The following MSL1 variants were observed in gnomAD, a reference collection of about 807,000 sequenced individuals.
MSL1 encodes the protein male-specific lethal 1 homolog.
In MSL1, 21 loss-of-function variants were observed where a neutral mutation model predicts 64.6. The ratio of observed to expected loss-of-function variants is 0.33; its 90% CI spans 0.23 to 0.47. The LOEUF is 0.47. MSL1 is among the 20% of genes least tolerant of loss of function. The probability of loss-of-function intolerance (pLI) is 1.00; values close to 1 mark genes in which losing one functional copy is unlikely to be tolerated. For missense variants in MSL1, 664 were observed against 793.2 expected (o/e 0.84, Z 1.96); for synonymous variants, 339 against 329.6 (o/e 1.03, Z -0.31).
chr17:40,126,072 TGTG>T, intron 1 of MSL1, 108 bp from the exon 2 acceptor site: 1 of 871,138 alleles, frequency 1.1e-6, no homozygotes, highest in Non-Finnish European at 1.8e-6. Flanking sequence ...GTTGAGTTGA[TGTG>T]GTCCATAGAA....
Position 40,122,127 on chromosome 17 carries a change from T to G in MSL1, c.-486T>G. Among the ~76,000 whole-genome samples, 1 of 146,970 alleles carries G rather than the reference T, an allele frequency of 6.8e-6. No individual in the cohort carries two copies. On this transcript the variant is annotated 5_prime_UTR_variant, in exon 1 of 9. Coordinates refer to ENST00000398532, the MANE Select transcript of MSL1 (RefSeq NM_001365919.1). The surrounding 1 kb of genome is among the most constrained non-coding windows in gnomAD (Gnocchi z 4.2). The stretch of plus-strand genomic sequence containing the variant: ...AGGCGACAGACCCCCTCTCCCGGAG[T>G]AGGAGGGCTTTGGGCGGACCCAGCC...
chr17:40,126,212 G>A lies in MSL1; in HGVS notation c.798G>A (p.Arg266=). ...TLLARIERME[R]RMQLVKKDNE... ...TTGCTCGGATTGAACGTATGGAAAG[G>A]CGGATGCAGCTGGTAAAGAAGGATA... The change falls in exon 2 of 9, where the codon AGG becomes AGA. Residue 266 remains arginine (R), a synonymous_variant. Transcript: ENST00000398532. 1.2e-6 allele frequency: 2 copies of A among 1,613,994 alleles called. No individual in the cohort carries two copies. Among genetic ancestry groups the A allele is most frequent in the Non-Finnish European group, 1.7e-6 (2 of 1,179,892 alleles).
Position 40,126,235 on chromosome 17 carries a change from A to G in MSL1, c.821A>G (p.Asp274Gly). Residue 274 changes from aspartate to glycine, a missense_variant, in exon 2 of 9, where the codon GAT (aspartate) becomes GGT (glycine). This residue lies in a region of MSL1 where 466 missense variants were observed against 499.0 expected (regional missense o/e 0.93). Coordinates refer to ENST00000398532, the MANE Select transcript of MSL1 (RefSeq NM_001365919.1). ...AGGCGGATGCAGCTGGTAAAGAAGGATAACGAGAAAGAAAGGCACAAGCTG... is the reference window on the plus strand; with the variant it reads ...AGGCGGATGCAGCTGGTAAAGAAGGGTAACGAGAAAGAAAGGCACAAGCTG... ...MERRMQLVKK[D>G]NEKERHKLFQ... The G allele has an allele frequency of 6.2e-7, 1 of 1,614,050 alleles. No homozygotes were observed. The highest frequency in any genetic ancestry group is 8.5e-7 in the Non-Finnish European group (1 of 1,179,902).
chr17:40,128,889 C>G (rs563782578), intron 2 of MSL1, among the ~76,000 whole-genome samples: 1 of 152,046 alleles, frequency 6.6e-6, no homozygotes, highest in Non-Finnish European at 1.5e-5. Context: ...TGGTGTATGC[C>G]TGTAATCCCA....
At chr17:40,125,868 G>A (rs1407034352) in intron 1 of MSL1, among the ~76,000 whole-genome samples, 2 of 152,246 alleles carry the variant, frequency 1.3e-5, no homozygotes, top group African/African-American at 4.8e-5. Context: ...ACAGGTAGCA[G>A]TAGCAGAGAC....
rs969995864 is a variant in MSL1 at position 40,133,714 on chromosome 17, G to C, written c.1681+56G>C. On this transcript the variant is annotated intron_variant, in intron 7 of 8. Transcript: ENST00000398532. ...TTTGAAAGAAGGAGGAGGGTGCAAG[G>C]CTCCAGGGTACAACTTGCTCTGAAT... 1.1e-5 allele frequency: 18 copies of C among 1,611,406 alleles called. No individual in the cohort carries two copies. The Admixed American group carries it at 2.2e-4, about 19-fold the overall frequency.
At chr17:40,129,786 T>C (rs1988403904) in intron 3 of MSL1, 159 bp downstream of exon 3, 2 of 736,022 alleles carry the variant, frequency 2.7e-6, no homozygotes, top group Non-Finnish European at 4.1e-6. Context: ...TGTGCAGGCA[T>C]TGCAAATAGA....
chr17:40,131,359 C>A lies in MSL1; in HGVS notation c.1376-178C>A. 1 of 513,318 alleles carries A rather than the reference C, an allele frequency of 1.9e-6. No homozygotes were observed. The highest frequency in any genetic ancestry group is 3.5e-6 in the Non-Finnish European group (1 of 285,466). 31.8% of individuals were successfully genotyped at this position (513,318 alleles called of 1,614,324 possible). A position where few individuals can be genotyped will look rare whatever the true frequency, so the allele number is the denominator to read the frequency against. ...AAAAAAAAAGTGGTGGGCTTATTTT[C>A]TTTTCTTTTGTCTGTTGTTCCCTCT... On this transcript the variant is annotated intron_variant, in intron 3 of 8. Transcript: ENST00000398532. This position sits in a 1 kb window ranked among gnomAD's most constrained non-coding sequence, Gnocchi z 4.5.
Position 40,131,574 on chromosome 17 carries a change from A to G in MSL1, c.1413A>G (p.Ser471=). 6.2e-7 allele frequency: 1 copy of G among 1,613,620 alleles called. No homozygotes were observed. Among genetic ancestry groups the G allele is most frequent in the Non-Finnish European group, 8.5e-7 (1 of 1,179,714 alleles). The change falls in exon 4 of 9, where the codon TCA becomes TCG. Residue 471 remains serine, a synonymous_variant. Coordinates refer to ENST00000398532, the MANE Select transcript of MSL1 (RefSeq NM_001365919.1). This position sits in a 1 kb window ranked among gnomAD's most constrained non-coding sequence, Gnocchi z 4.5. ...CATCAAGTGTTGCAGGAGAAACTTC[A>G]GTCTTGGCTGGTGAGTAGAATAGGA... The part of the protein sequence containing the change: ...LMPSSVAGET[S]VLAVPSWRDH...
At position 40,131,806 on chromosome 17, in the gene MSL1, T is replaced by G. The variant is rs1988442808; in HGVS notation, c.1423+222T>G. 3 of 616,344 alleles carry G rather than the reference T, an allele frequency of 4.9e-6. No homozygotes were observed. The Admixed American group carries it at 8.8e-5, about 18-fold the overall frequency. 38.2% of individuals were successfully genotyped at this position (616,344 alleles called of 1,614,324 possible). On this transcript the variant is annotated intron_variant, in intron 4 of 8. Transcript: ENST00000398532. The surrounding 1 kb of genome is among the most constrained non-coding windows in gnomAD (Gnocchi z 4.5). ...TGAATTGTCAGGTATTGGTTTAGGGTTTTTGTGATCCTGAGTTTGGCAGAC... is the reference window on the plus strand; with the variant it reads ...TGAATTGTCAGGTATTGGTTTAGGGGTTTTGTGATCCTGAGTTTGGCAGAC...
intron 1 of MSL1, among the ~76,000 whole-genome samples, 154 bp downstream of exon 1, chr17:40,123,534 C>T (rs1988242812): frequency 6.6e-6 from 1 of 151,810 alleles, no homozygotes; most frequent in South Asian, 2.1e-4. Context: ...TCTCTGGGAG[C>T]CAGGCTCACA....
In MSL1 at chr17:40,134,405, A is replaced by G. The variant is rs1988501729; in HGVS notation, c.*36A>G. 3 of 1,528,616 alleles carry G rather than the reference A, an allele frequency of 2.0e-6. No individual in the cohort carries two copies. The South Asian group carries it at 3.6e-5, about 18-fold the overall frequency. 94.7% of individuals were successfully genotyped at this position (1,528,616 alleles called of 1,614,324 possible). A position where few individuals can be genotyped will look rare whatever the true frequency, so the allele number is the denominator to read the frequency against. On this transcript the variant is annotated 3_prime_UTR_variant, in exon 9 of 9. Transcript: ENST00000398532. ...AAGAACCCTGTCTTCAGATAGTTGTAGCATGCCATTCCCGAGAGTGGCAGA... is the reference window on the plus strand; with the variant it reads ...AAGAACCCTGTCTTCAGATAGTTGTGGCATGCCATTCCCGAGAGTGGCAGA...
Position 40,134,622 on chromosome 17 carries a change from G to A in MSL1, c.*253G>A, listed in dbSNP as rs1429762805. The A allele has an allele frequency of 4.2e-6, 2 of 472,146 alleles. No individual in the cohort carries two copies. The highest frequency in any genetic ancestry group is 7.7e-6 in the Non-Finnish European group (2 of 259,784). 29.2% of individuals were successfully genotyped at this position (472,146 alleles called of 1,614,324 possible). A position where few individuals can be genotyped will look rare whatever the true frequency, so the allele number is the denominator to read the frequency against. ...AATGGGCTCTCAAGCTAAAGCTATA[G>A]GATGGCAGATTCAGAAGTTTCAGGG... On this transcript the variant is annotated 3_prime_UTR_variant, in exon 9 of 9. Transcript: ENST00000398532.
chr17:40,136,766 T>C lies in MSL1; in HGVS notation c.*2397T>C, dbSNP rs1384231638. Reference sequence around the variant, plus strand: ...AAATATCTTATAAAGAGTTCAATTGTAAATAAACTATTGTGGCTGTTAATT... The same window carrying C: ...AAATATCTTATAAAGAGTTCAATTGCAAATAAACTATTGTGGCTGTTAATT... On this transcript the variant is annotated 3_prime_UTR_variant, in exon 9 of 9. Coordinates refer to ENST00000398532, the MANE Select transcript of MSL1 (RefSeq NM_001365919.1). 1 of 152,386 alleles carries C rather than the reference T, an allele frequency of 6.6e-6. No homozygotes were observed. The allele number at this position is 152,386 out of a possible 1,614,324, so 9.4% of individuals were successfully genotyped here.
In MSL1 at chr17:40,122,732, G is replaced by A. The variant is rs1381727766; in HGVS notation, c.120G>A (p.Ala40=). The A allele has an allele frequency of 9.6e-6, 14 of 1,454,792 alleles. No individual in the cohort carries two copies. The highest frequency in any genetic ancestry group is 1.3e-5 in the Non-Finnish European group (14 of 1,111,868). The allele number at this position is 1,454,792 out of a possible 1,614,324, so 90.1% of individuals were successfully genotyped here. Reference sequence around the variant, plus strand: ...GCGGGCCCGAGGACGAGCCTGGGGCGGCCGAAGCCCACTTCCTCCCCCGGC... The same window carrying A: ...GCGGGCCCGAGGACGAGCCTGGGGCAGCCGAAGCCCACTTCCTCCCCCGGC... ...ALGGPEDEPG[A]AEAHFLPRHR... Residue 40 remains alanine, a synonymous_variant, in exon 1 of 9, where the codon GCG becomes GCA. Coordinates refer to ENST00000398532, the MANE Select transcript of MSL1 (RefSeq NM_001365919.1). This position sits in a 1 kb window ranked among gnomAD's most constrained non-coding sequence, Gnocchi z 4.2.
In MSL1 at chr17:40,122,182, GA is replaced by G. The variant is rs1247473407; in HGVS notation, c.-428del. 1.4e-5 allele frequency: 2 copies of G among 147,126 alleles called. No homozygotes were observed. The highest frequency in any genetic ancestry group is 3.0e-5 in the Non-Finnish European group (2 of 66,218). 9.1% of individuals were successfully genotyped at this position (147,126 alleles called of 1,614,324 possible). ...ACCCCCTCCTGAGGAGGAGGGGGGG[GA>G]AATGGAGGCTCGGGGCGGTTGAGGC... is the stretch of plus-strand genomic sequence containing the variant. On this transcript the variant is annotated 5_prime_UTR_variant, in exon 1 of 9. In the 5' UTR this introduces an upstream ATG that the reference lacks. Transcript: ENST00000398532. The surrounding 1 kb of genome is among the most constrained non-coding windows in gnomAD (Gnocchi z 4.2).
Position 40,122,545 on chromosome 17 carries a change from A to G in MSL1, c.-68A>G. ...CTCCCCTCCCCCCCCTCAGTCCTCG[A>G]CCCCCCGCACCTCGCCCCTTCCCCA... On this transcript the variant is annotated 5_prime_UTR_variant, in exon 1 of 9. Transcript: ENST00000398532. This position sits in a 1 kb window ranked among gnomAD's most constrained non-coding sequence, Gnocchi z 4.2. The G allele has an allele frequency of 7.8e-6, 4 of 515,700 alleles. No homozygotes were observed. The highest frequency in any genetic ancestry group is 5.9e-6 in the Non-Finnish European group (2 of 339,616). 31.9% of individuals were successfully genotyped at this position (515,700 alleles called of 1,614,324 possible).
chr17:40,130,799 C>T (rs1334643172), intron 3 of MSL1: 3 of 152,242 alleles, frequency 2.0e-5, no homozygotes, highest in South Asian at 4.1e-4. Context: ...ACCTCTTTTG[C>T]TGCCATGGCA....
chr17:40,128,557 T>A (rs1988373247), intron 2 of MSL1, among the ~76,000 whole-genome samples: 2 of 151,376 alleles, frequency 1.3e-5, no homozygotes, highest in African/African-American at 4.8e-5. Context: ...GTATTTTTTT[T>A]TTTTAGTAGA....
Sources: gnomAD v4.1 joint callset for allele counts (sites outside exome capture counted in the v4.1 genomes callset) on GRCh38, gnomAD v4.1.1 for gene constraint, gnomAD v4.1.1 regional missense constraint, Gnocchi (gnomAD v3.1) non-coding constraint, MANE v1.5 for transcripts, NCBI Gene and HGNC (gene_info 2026-07-23, HGNC 2026-07-21) for gene names.